PTN: variants seen among roughly 807,000 people sequenced by gnomAD.
The protein encoded by PTN is heparin affin regulatory protein.
PTN carries 18 observed loss-of-function variants against 24.1 expected under a neutral mutation model. That is an observed-to-expected ratio of 0.75 (90% CI 0.52 to 1.11). The LOEUF (loss-of-function observed/expected upper bound fraction) is 1.11, where lower values mean the gene tolerates loss of function less well. PTN is among the 50% of genes least tolerant of loss of function. PTN has a pLI of 0.00. For missense variants in PTN, 163 were observed against 198.8 expected, an observed-to-expected ratio of 0.82 and a Z score of 1.08; for synonymous variants, 78 against 68.6, an observed-to-expected ratio of 1.14 and a Z score of -0.67.
intron 4 of PTN, among the ~76,000 whole-genome samples, chr7:137,249,811 C>T (rs763487064): frequency 2.0e-5 from 3 of 152,276 alleles, no homozygotes; most frequent in Non-Finnish European, 2.9e-5. Flanking sequence ...GCAGAGATTT[C>T]CATGATCTGG....
chr7:137,335,003 T>C (rs1223800662), intron 1 of PTN, among the ~76,000 whole-genome samples: 3 of 121,856 alleles, frequency 2.5e-5, no homozygotes, highest in Non-Finnish European at 3.2e-5. Context: ...TGGGAACACA[T>C]GGACACAGGA....
At chr7:137,339,729 A>T (rs887628650) in intron 1 of PTN, among the ~76,000 whole-genome samples, 4 of 152,130 alleles carry the variant, frequency 2.6e-5, no homozygotes, top group African/African-American at 9.7e-5. Context: ...CCATCATAGC[A>T]AGAGGGAATT....
chr7:137,255,257 A>T (rs781711253), intron 1 of PTN, among the ~76,000 whole-genome samples: 1 of 152,246 alleles, frequency 6.6e-6, no homozygotes, highest in Non-Finnish European at 1.5e-5. Context: ...TTATGGAAGC[A>T]AAAGAACTTT....
intron 1 of PTN, among the ~76,000 whole-genome samples, chr7:137,264,972 A>AT (rs34878730): frequency 0.021 from 2,573 of 124,902 alleles, 55 homozygotes; most frequent in African/African-American, 0.052. Context: ...TCCAACTGCC[A>AT]TTTTTTTTTT....
Position 137,333,723 on chromosome 7 carries a change from T to C in PTN, c.-2+9716A>G, listed in dbSNP as rs56954129. Among the ~76,000 whole-genome samples the C allele has an allele frequency of 6.0e-3, 909 of 152,248 alleles. 8 individuals carry two copies. Among genetic ancestry groups the C allele is most frequent in the African/African-American group, 0.019 (796 of 41,552 alleles). ...GTTCATATGGAACCAAAAAAGAGCC[T>C]GCATCGCCAAGTCAATTCTAAGCCA... is the stretch of plus-strand genomic sequence containing the variant. On this transcript the variant is annotated intron_variant, in intron 1 of 4. Transcript: ENST00000348225.
chr7:137,339,355 T>C (rs1030221270), intron 1 of PTN, among the ~76,000 whole-genome samples: 10 of 152,078 alleles, frequency 6.6e-5, no homozygotes, highest in African/African-American at 2.4e-4. Flanking sequence ...CAATGTAGTA[T>C]TAGGCATCCA....
intron 1 of PTN, among the ~76,000 whole-genome samples, chr7:137,281,750 C>T (rs1809478487): frequency 6.6e-6 from 1 of 152,106 alleles, no homozygotes; most frequent in Admixed American, 6.5e-5. Flanking sequence ...GATATATATG[C>T]ACTCCAGAAC....
At chr7:137,283,896 A>G (rs1809511351) in intron 1 of PTN, among the ~76,000 whole-genome samples, 1 of 143,230 alleles carries the variant, frequency 7.0e-6, no homozygotes, top group South Asian at 2.2e-4. Context: ...ATCTCCTTCT[A>G]CCTAATGATT....
chr7:137,302,134 G>C (rs1809816063), intron 1 of PTN, among the ~76,000 whole-genome samples: 1 of 151,876 alleles, frequency 6.6e-6, no homozygotes, highest in Admixed American at 6.6e-5. Context: ...GTAATTTATG[G>C]CTTAAAAAGA....
intron 4 of PTN, among the ~76,000 whole-genome samples, chr7:137,246,542 C>T (rs1203403738): frequency 1.3e-5 from 2 of 152,134 alleles, no homozygotes; most frequent in East Asian, 1.9e-4. Context: ...ATAAAAATTC[C>T]CTTTCCTATA....
chr7:137,289,695 C>G (rs1809610242), intron 1 of PTN, among the ~76,000 whole-genome samples: 1 of 152,074 alleles, frequency 6.6e-6, no homozygotes, highest in Non-Finnish European at 1.5e-5. Context: ...CCACAGCTGA[C>G]AGCAAGGAAA....
In PTN at chr7:137,273,891, G is replaced by A. The variant is rs551137587; in HGVS notation, c.-1-18917C>T. 5.3e-5 allele frequency among the ~76,000 whole-genome samples: 8 copies of A among 152,226 alleles called. No homozygotes were observed. In the South Asian group the frequency reaches 1.5e-3, roughly 28 times the overall value. ...AAGATATCCTTTGCATAGTTCTGTGGTTATTGTCCTGGTTTGTCTTTATTT... is the reference window on the plus strand; with the variant it reads ...AAGATATCCTTTGCATAGTTCTGTGATTATTGTCCTGGTTTGTCTTTATTT... On this transcript the variant is annotated intron_variant, in intron 1 of 4. Transcript: ENST00000348225.
chr7:137,308,759 G>C (rs1439347217), intron 1 of PTN, among the ~76,000 whole-genome samples: 1 of 152,026 alleles, frequency 6.6e-6, no homozygotes, highest in African/African-American at 2.4e-5. Context: ...AAGTTCCCTG[G>C]GGCATAAACA....
intron 1 of PTN, among the ~76,000 whole-genome samples, chr7:137,285,169 G>C (rs1809533558): frequency 6.6e-6 from 1 of 152,118 alleles, no homozygotes; most frequent in Admixed American, 6.5e-5. Context: ...TATTGAGCTG[G>C]ATTCTATACA....
intron 1 of PTN, among the ~76,000 whole-genome samples, chr7:137,293,535 T>C (rs1420524636): frequency 6.6e-6 from 1 of 152,122 alleles, no homozygotes; most frequent in Non-Finnish European, 1.5e-5. Context: ...ATATTTTATC[T>C]TGGAATGTGA....
chr7:137,292,442 T>G (rs1471476801), intron 1 of PTN, among the ~76,000 whole-genome samples: 1 of 152,154 alleles, frequency 6.6e-6, no homozygotes, highest in Admixed American at 6.5e-5. Flanking sequence ...TCATGAGATC[T>G]GATAGTTTTA....
intron 1 of PTN, among the ~76,000 whole-genome samples, chr7:137,280,725 A>AAAAAAAAAAAAAAAAAAAAAAAAAT (rs71176392): frequency 7.2e-6 from 1 of 138,396 alleles, no homozygotes; most frequent in Non-Finnish European, 1.6e-5. Context: ...AAAAAAAAAA[A>AAAAAAAAAAAAAAAAAAAAAAAAAT]GCTGAGTGTG....
Position 137,259,099 on chromosome 7 carries a change from TGTTAA to T in PTN, c.-1-4130_-1-4126del, listed in dbSNP as rs747229873. On this transcript the variant is annotated intron_variant, in intron 1 of 4. Transcript: ENST00000348225. Reference sequence around the variant, plus strand: ...TTGGGTGCTGGTGTCTGGAAATAATTGTTAAGTTATCTCAATGAAATCTGAAACTC... The same window carrying T: ...TTGGGTGCTGGTGTCTGGAAATAATTGTTATCTCAATGAAATCTGAAACTC... Among the ~76,000 whole-genome samples the T allele has an allele frequency of 5.9e-5, 9 of 152,228 alleles. No individual in the cohort carries two copies. The East Asian group carries it at 7.7e-4, about 13-fold the overall frequency.
intron 1 of PTN, among the ~76,000 whole-genome samples, chr7:137,292,158 T>C (rs948853330): frequency 2.6e-5 from 4 of 152,140 alleles, no homozygotes; most frequent in African/African-American, 9.7e-5. Context: ...TGGTGGGGGA[T>C]TGGTTCCAGG....
Sources: gnomAD v4.1 joint callset for allele counts (sites outside exome capture counted in the v4.1 genomes callset) on GRCh38, gnomAD v4.1.1 for gene constraint, MANE v1.5 for transcripts, NCBI Gene and HGNC (gene_info 2026-07-23, HGNC 2026-07-21) for gene names.